UBE3D: variants seen among roughly 807,000 people sequenced by gnomAD.
UBE3D encodes the protein E3 ubiquitin-protein ligase E3D.
UBE3D carries 48 observed loss-of-function variants against 49.6 expected under a neutral mutation model. That is an observed-to-expected ratio of 0.97 (90% CI 0.77 to 1.23). UBE3D has a LOEUF of 1.23. Among genes scored for constraint, UBE3D ranks in the 50% most tolerant of loss-of-function variants. UBE3D has a pLI of 0.00. For missense variants in UBE3D, 452 were observed against 468.4 expected (o/e 0.96, Z 0.32); for synonymous variants, 189 against 174.2 (o/e 1.08, Z -0.67).
intron 5 of UBE3D, among the ~76,000 whole-genome samples, chr6:83,026,366 G>C (rs984852902): frequency 6.6e-6 from 1 of 152,090 alleles, no homozygotes; most frequent in Non-Finnish European, 1.5e-5. Flanking sequence ...CAAGAGGACT[G>C]TTTGAGCCCA....
At chr6:82,992,305 C>T (rs1031702852) in intron 8 of UBE3D, among the ~76,000 whole-genome samples, 1 of 150,728 alleles carries the variant, frequency 6.6e-6, no homozygotes, top group Non-Finnish European at 1.5e-5. Flanking sequence ...TCACTGCAAC[C>T]TCTGCCTCCT....
intron 8 of UBE3D, among the ~76,000 whole-genome samples, chr6:82,980,739 T>C (rs1208092687): frequency 6.6e-6 from 1 of 152,096 alleles, no homozygotes; most frequent in African/African-American, 2.4e-5. Context: ...CTGTCTTGAT[T>C]TCTATATGGT....
At chr6:82,945,687 G>C (rs1775352173) in intron 9 of UBE3D, among the ~76,000 whole-genome samples, 1 of 152,132 alleles carries the variant, frequency 6.6e-6, no homozygotes, top group African/African-American at 2.4e-5. Context: ...GATCAATCCT[G>C]GTGGAGAAAG....
intron 7 of UBE3D, among the ~76,000 whole-genome samples, chr6:83,021,868 C>CAA (rs1026025355): frequency 7.2e-6 from 1 of 139,558 alleles, no homozygotes. Context: ...TACTCCATCT[C>CAA]AAAAAAAAAA....
chr6:83,005,217 C>T (rs898956966), intron 8 of UBE3D, among the ~76,000 whole-genome samples: 7 of 151,814 alleles, frequency 4.6e-5, no homozygotes, highest in Admixed American at 1.3e-4. Context: ...AAATAACCAA[C>T]GAACACGAAA....
chr6:83,003,514 A>G (rs1278884731), intron 8 of UBE3D, among the ~76,000 whole-genome samples: 1 of 152,198 alleles, frequency 6.6e-6, no homozygotes, highest in Non-Finnish European at 1.5e-5. Flanking sequence ...GCCATTGTAC[A>G]GTCATGTGTC....
intron 9 of UBE3D, among the ~76,000 whole-genome samples, chr6:82,917,592 T>A (rs879212483): frequency 2.6e-5 from 4 of 152,136 alleles, no homozygotes; most frequent in Admixed American, 1.3e-4. Flanking sequence ...GTGATTGTAA[T>A]GAGCACGATT....
At chr6:83,006,807 T>G (rs1054757307) in intron 8 of UBE3D, among the ~76,000 whole-genome samples, 1 of 152,056 alleles carries the variant, frequency 6.6e-6, no homozygotes, top group African/African-American at 2.4e-5. Flanking sequence ...AGTTTCAGAT[T>G]TGCAAGATAA....
At chr6:82,914,544 C>T (rs78697983) in intron 9 of UBE3D, among the ~76,000 whole-genome samples, 95 of 152,190 alleles carry the variant, frequency 6.2e-4, no homozygotes, top group African/African-American at 2.1e-3. Context: ...GGCACCTCGG[C>T]GTCAAGCAGG....
chr6:83,027,167 G>C (rs1275574163), intron 5 of UBE3D, among the ~76,000 whole-genome samples: 1 of 151,898 alleles, frequency 6.6e-6, no homozygotes, highest in African/African-American at 2.4e-5. Flanking sequence ...GCTGGGCGCA[G>C]TGGCTCACGC....
intron 9 of UBE3D, among the ~76,000 whole-genome samples, chr6:82,906,820 T>C (rs1353503641): frequency 6.6e-6 from 1 of 152,224 alleles, no homozygotes; most frequent in Non-Finnish European, 1.5e-5. Context: ...TACTCAGAGA[T>C]GAATCTTTCT....
chr6:83,005,168 C>T (rs1422032579), intron 8 of UBE3D, among the ~76,000 whole-genome samples: 1 of 151,958 alleles, frequency 6.6e-6, no homozygotes, highest in Non-Finnish European at 1.5e-5. Flanking sequence ...TAAAAAGGGG[C>T]AAAGGACTTA....
intron 8 of UBE3D, among the ~76,000 whole-genome samples, chr6:82,981,154 G>T (rs1260790394): frequency 6.6e-6 from 1 of 152,050 alleles, no homozygotes; most frequent in African/African-American, 2.4e-5. Context: ...AGTTCAGGAG[G>T]TTAAATGAAC....
chr6:82,948,378 C>G (rs2127763514), intron 9 of UBE3D, among the ~76,000 whole-genome samples: 1 of 151,760 alleles, frequency 6.6e-6, no homozygotes, highest in African/African-American at 2.4e-5. Context: ...ATACAAAGTT[C>G]CCCAGTAAAG....
At chr6:83,035,677 G>GCTT (rs1436320703) in intron 5 of UBE3D, among the ~76,000 whole-genome samples, 3 of 152,194 alleles carry the variant, frequency 2.0e-5, no homozygotes, top group African/African-American at 7.2e-5. Context: ...GCCTGAAGTG[G>GCTT]CTTCCTTACT....
chr6:82,934,158 C>T (rs1435814621), intron 9 of UBE3D, among the ~76,000 whole-genome samples: 1 of 152,160 alleles, frequency 6.6e-6, no homozygotes, highest in Admixed American at 6.5e-5. Flanking sequence ...GCTTCTCCTT[C>T]ACACACTCTC....
At chr6:83,000,727 T>C (rs967058696) in intron 8 of UBE3D, among the ~76,000 whole-genome samples, 5 of 152,032 alleles carry the variant, frequency 3.3e-5, no homozygotes, top group Non-Finnish European at 7.4e-5. Context: ...TCTCTCTCTA[T>C]TACAGCCACC....
chr6:83,035,180 CA>C (rs70987732), intron 5 of UBE3D, among the ~76,000 whole-genome samples: 92,623 of 137,734 alleles, frequency 0.67, 30,831 homozygotes, highest in East Asian at 0.79. Flanking sequence ...GACTATGTCT[CA>C]AAAAAAAAAA....
rs564461197 is a variant in UBE3D, at chr6:82,995,747, A to G, written c.1010+23226T>C. 2.7e-4 allele frequency among the ~76,000 whole-genome samples: 41 copies of G among 152,228 alleles called. 2 individuals carry two copies. The South Asian group carries it at 8.1e-3, about 30-fold the overall frequency. ...CGTCAACTAGAAAAGCCCATAGGAG[A>G]GAATTGGACAGTAGCTCTTAACCTT... On this transcript the variant is annotated intron_variant, in intron 8 of 9. Coordinates refer to ENST00000369747, the MANE Select transcript of UBE3D (RefSeq NM_198920.3).
Sources: allele counts gnomAD v4.1 joint callset (sites outside exome capture counted in the v4.1 genomes callset), GRCh38; gene constraint gnomAD v4.1.1; transcripts MANE v1.5; gene names NCBI Gene and HGNC (gene_info 2026-07-23, HGNC 2026-07-21).